The following SRFBP1 variants were observed in gnomAD, a reference collection of about 807,000 sequenced individuals.
The protein encoded by SRFBP1 is serum response factor binding protein 1.
A neutral mutation model predicts 45.5 loss-of-function variants in SRFBP1; 47 were observed. The ratio of observed to expected loss-of-function variants is 1.03; its 90% CI spans 0.82 to 1.32. The LOEUF is 1.32. SRFBP1 is among the 40% of genes most tolerant of loss of function. SRFBP1 has a pLI of 0.00. For synonymous variants in SRFBP1, 203 were observed against 166.3 expected (o/e 1.22, Z -1.70); for missense variants, 621 against 484.6 (o/e 1.28, Z -2.64).
At chr5:122,075,617 A>G, downstream of SRFBP1, 1 of 965,012 alleles carries the variant, frequency 1.0e-6, no homozygotes, top group Non-Finnish European at 1.5e-6. Flanking sequence ...TAAAACATCC[A>G]TTATATAGTA....
chr5:122,037,884 T>C (rs1329382570), intron 2 of SRFBP1, among the ~76,000 whole-genome samples: 1 of 152,192 alleles, frequency 6.6e-6, no homozygotes, highest in African/African-American at 2.4e-5. Flanking sequence ...CAAACTGCTT[T>C]ATCAAACCAA....
intron 7 of SRFBP1, among the ~76,000 whole-genome samples, chr5:122,024,571 C>T (rs749160686): frequency 1.3e-4 from 20 of 152,096 alleles, no homozygotes; most frequent in Non-Finnish European, 2.6e-4. Context: ...TTTTATGGTC[C>T]AGGCCTTTTA....
intron 1 of SRFBP1, among the ~76,000 whole-genome samples, chr5:121,969,927 G>T (rs941782068): frequency 1.3e-5 from 2 of 151,602 alleles, no homozygotes; most frequent in East Asian, 3.9e-4. Flanking sequence ...TGTTCTTTCC[G>T]TCCCAAACAA....
Position 121,971,282 on chromosome 5 carries a change from A to G in SRFBP1, c.37-2914A>G, listed in dbSNP as rs576426544. On this transcript the variant is annotated intron_variant, in intron 1 of 7. Coordinates refer to ENST00000339397, the MANE Select transcript of SRFBP1 (RefSeq NM_152546.3). Reference sequence around the variant, plus strand: ...CAGTAACTCAGCCAAGATTGCAAAAAGGTCAAGATAGGGAAAAAAGTGGTA... The same window carrying G: ...CAGTAACTCAGCCAAGATTGCAAAAGGGTCAAGATAGGGAAAAAAGTGGTA... Among the ~76,000 whole-genome samples, 151 of 152,202 alleles carry G rather than the reference A, an allele frequency of 9.9e-4. 1 individual carries two copies. Among genetic ancestry groups the G allele is most frequent in the African/African-American group, 3.5e-3 (145 of 41,568 alleles).
intron 1 of SRFBP1, among the ~76,000 whole-genome samples, chr5:121,963,828 G>A (rs1752003313): frequency 6.6e-6 from 1 of 151,760 alleles, no homozygotes; most frequent in Non-Finnish European, 1.5e-5. Flanking sequence ...AAGTGGAGAT[G>A]ATGGAGGATA....
intron 3 of SRFBP1, among the ~76,000 whole-genome samples, chr5:121,981,180 A>G (rs1452336281): frequency 6.6e-6 from 1 of 151,950 alleles, no homozygotes; most frequent in African/African-American, 2.4e-5. Context: ...ATGTTATCTT[A>G]TTCTGAGGGC....
intron 2 of SRFBP1, among the ~76,000 whole-genome samples, chr5:122,034,198 C>T (rs918632420): frequency 3.9e-5 from 6 of 152,116 alleles, no homozygotes; most frequent in African/African-American, 1.2e-4. Flanking sequence ...TTTATGAACC[C>T]AAATGAAGAT....
intron 2 of SRFBP1, among the ~76,000 whole-genome samples, chr5:122,057,121 C>T (rs763360515): frequency 6.6e-6 from 1 of 152,150 alleles, no homozygotes. Flanking sequence ...CCAGTAACCT[C>T]TTTGAAAATG....
chr5:122,016,228 G>A (rs904706446), intron 4 of SRFBP1, among the ~76,000 whole-genome samples: 1 of 152,042 alleles, frequency 6.6e-6, no homozygotes, highest in Non-Finnish European at 1.5e-5. Context: ...AGTTCCTTCT[G>A]CCTAAGTCTT....
At chr5:122,060,197 C>T (rs1754148973) in intron 2 of SRFBP1, among the ~76,000 whole-genome samples, 1 of 151,950 alleles carries the variant, frequency 6.6e-6, no homozygotes. Context: ...AAAGTCAGGC[C>T]TTAGATACTA....
chr5:121,962,532 G>A (rs751339992), intron 1 of SRFBP1, among the ~76,000 whole-genome samples: 1 of 152,218 alleles, frequency 6.6e-6, no homozygotes, highest in Non-Finnish European at 1.5e-5. Context: ...GAGACTGTAT[G>A]CTCAGTACTT....
chr5:121,966,819 G>A lies in SRFBP1; in HGVS notation c.36+4751G>A, dbSNP rs376846263. Among the ~76,000 whole-genome samples, 521 of 148,392 alleles carry A rather than the reference G, an allele frequency of 3.5e-3. 3 individuals are homozygous for A. Among genetic ancestry groups the A allele is most frequent in the Non-Finnish European group, 5.5e-3 (371 of 67,324 alleles). ...TTTTGAGACGGAGTCTCGCTCTGTC[G>A]CCCAGGCTGGAGTGCAGTGGCAGGA... On this transcript the variant is annotated intron_variant, in intron 1 of 7. Coordinates refer to ENST00000339397, the MANE Select transcript of SRFBP1 (RefSeq NM_152546.3).
chr5:121,969,883 T>C lies in SRFBP1; in HGVS notation c.37-4313T>C, dbSNP rs538354596. ...TCAGCATATTTTATTTACATTTCTA[T>C]GCCTCTGTTTTCTCTGTGCTCACAC... On this transcript the variant is annotated intron_variant, in intron 1 of 7. Transcript: ENST00000339397. Among the ~76,000 whole-genome samples, 3 of 152,242 alleles carry C rather than the reference T, an allele frequency of 2.0e-5. No individual in the cohort carries two copies. The South Asian group carries it at 6.2e-4, about 32-fold the overall frequency.
chr5:121,975,222 C>G lies in SRFBP1; in HGVS notation c.126-93C>G, dbSNP rs1752278114. The G allele has an allele frequency of 4.5e-6, 6 of 1,328,172 alleles. No homozygotes were observed. In the Admixed American group the frequency reaches 1.0e-4, roughly 23 times the overall value. 82.3% of individuals were successfully genotyped at this position (1,328,172 alleles called of 1,614,324 possible). The stretch of plus-strand genomic sequence containing the variant: ...GTTTGTTATTTAGAGATTTATTACG[C>G]TTTTCTAAAAAGAAATGAAGTGATT... On this transcript the variant is annotated intron_variant, in intron 2 of 7. Transcript: ENST00000339397.
rs145703067 is a variant in SRFBP1 at position 121,987,123 on chromosome 5, C to A, written c.199-7476C>A. On this transcript the variant is annotated intron_variant, in intron 3 of 7. Transcript: ENST00000339397. Reference sequence around the variant, plus strand: ...ACCAATTAGGCTATTATAATCCACACAATCCATAAAGAAGTCTTGAACGTA... The same window carrying A: ...ACCAATTAGGCTATTATAATCCACAAAATCCATAAAGAAGTCTTGAACGTA... Among the ~76,000 whole-genome samples, 159 of 152,160 alleles carry A rather than the reference C, an allele frequency of 1.0e-3. 2 individuals carry two copies. The highest frequency in any genetic ancestry group is 3.8e-3 in the African/African-American group (156 of 41,532).
intron 2 of SRFBP1, chr5:122,064,835 T>C (rs1754256029): frequency 6.6e-6 from 1 of 152,074 alleles, no homozygotes; most frequent in Non-Finnish European, 1.5e-5. Flanking sequence ...TGTCTTCTCC[T>C]ATGTATCCAT....
downstream of SRFBP1, among the ~76,000 whole-genome samples, chr5:122,029,161 A>G (rs527383644): frequency 6.6e-6 from 1 of 152,264 alleles, no homozygotes; most frequent in South Asian, 2.1e-4. Context: ...TCTAGCAGAT[A>G]TAGGCCTGGG....
chr5:122,072,510 T>C (rs1172530200), intron 2 of SRFBP1, among the ~76,000 whole-genome samples: 3 of 152,204 alleles, frequency 2.0e-5, no homozygotes, highest in Non-Finnish European at 2.9e-5. Context: ...ACAAGAGTTA[T>C]TAATATGTAA....
At chr5:121,988,686 C>T (rs1243986814) in intron 3 of SRFBP1, among the ~76,000 whole-genome samples, 1 of 152,198 alleles carries the variant, frequency 6.6e-6, no homozygotes, top group Non-Finnish European at 1.5e-5. Context: ...AGTGAAAACA[C>T]ATTAACCGTA....
Sources: allele counts gnomAD v4.1 joint callset (sites outside exome capture counted in the v4.1 genomes callset), GRCh38; gene constraint gnomAD v4.1.1; transcripts MANE v1.5; gene names NCBI Gene and HGNC (gene_info 2026-07-23, HGNC 2026-07-21).